The following LRRC7 variants were observed in gnomAD, a reference collection of about 807,000 sequenced individuals.
LRRC7 encodes the protein leucine rich repeat containing 7, also known as leucine-rich repeat-containing protein 7.
In LRRC7, 23 loss-of-function variants were observed where a neutral mutation model predicts 175.7. That is an observed-to-expected ratio of 0.13 (90% CI 0.09 to 0.19). The LOEUF (loss-of-function observed/expected upper bound fraction) is 0.19. LRRC7 is among the 10% of genes least tolerant of loss of function. LRRC7 has a pLI of 1.00. For synonymous variants in LRRC7, 685 were observed against 680.9 expected, an observed-to-expected ratio of 1.01 and a Z score of -0.09; for missense variants, 1,354 against 1,904.7, an observed-to-expected ratio of 0.71 and a Z score of 5.38.
intron 1 of LRRC7, among the ~76,000 whole-genome samples, chr1:69,672,950 T>C (rs1359397732): frequency 6.6e-6 from 1 of 152,208 alleles, no homozygotes; most frequent in Non-Finnish European, 1.5e-5. Context: ...CTGGCTACTC[T>C]TTTCATTTTT....
intron 1 of LRRC7, among the ~76,000 whole-genome samples, chr1:69,599,241 C>A (rs1339809290): frequency 6.6e-6 from 1 of 152,024 alleles, no homozygotes; most frequent in Admixed American, 6.6e-5. Context: ...GGTACATGTT[C>A]TTTTCCTTTT....
chr1:69,957,555 G>A (rs935450375), intron 8 of LRRC7, among the ~76,000 whole-genome samples: 4 of 151,734 alleles, frequency 2.6e-5, no homozygotes, highest in African/African-American at 9.7e-5. Context: ...TTAGTAGAGA[G>A]TGAATGCTCC....
intron 2 of LRRC7, among the ~76,000 whole-genome samples, chr1:69,722,303 T>C (rs1666451179): frequency 1.3e-5 from 2 of 152,050 alleles, no homozygotes; most frequent in African/African-American, 4.8e-5. Flanking sequence ...TCGTACATTG[T>C]ATTGATTTAT....
intron 5 of LRRC7, among the ~76,000 whole-genome samples, chr1:69,828,713 T>C (rs1168958633): frequency 6.6e-6 from 1 of 152,074 alleles, no homozygotes; most frequent in East Asian, 1.9e-4. Context: ...TTTCCAAATG[T>C]TCTCTAACAT....
intron 1 of LRRC7, among the ~76,000 whole-genome samples, chr1:69,603,808 T>C (rs2101004099): frequency 6.6e-6 from 1 of 152,240 alleles, no homozygotes; most frequent in East Asian, 1.9e-4. Flanking sequence ...TTTATATTAT[T>C]TGAAACACCA....
rs138406498 is a variant in LRRC7, at chr1:69,911,437, T to A, written c.648-20070T>A. Among the ~76,000 whole-genome samples, 498 of 152,334 alleles carry A rather than the reference T, an allele frequency of 3.3e-3. 2 individuals are homozygous for A. The highest frequency in any genetic ancestry group is 0.011 in the African/African-American group (448 of 41,576). On this transcript the variant is annotated intron_variant, in intron 7 of 26. Coordinates refer to ENST00000651989, the MANE Select transcript of LRRC7 (RefSeq NM_001370785.2). ...CCATCAACAGTGTTTAAGTGTTCCC[T>A]TTTCTCCACAACCTCACCATCATCT...
chr1:69,623,881 A>G (rs935967665), intron 1 of LRRC7, among the ~76,000 whole-genome samples: 5 of 152,052 alleles, frequency 3.3e-5, no homozygotes, highest in African/African-American at 1.2e-4. Flanking sequence ...TCATTTTTGT[A>G]TAGCTTCTAT....
intron 8 of LRRC7, 120 bp from the exon 9 acceptor site, chr1:69,980,259 C>G: frequency 1.2e-6 from 1 of 856,696 alleles, no homozygotes; most frequent in Non-Finnish European, 1.9e-6. Context: ...TTCTTAGATG[C>G]TTAACACTAG....
Position 69,831,397 on chromosome 1 carries a change from AAC to A in LRRC7, c.501-3379_501-3378del, listed in dbSNP as rs1303889934. On this transcript the variant is annotated intron_variant, in intron 5 of 26. Coordinates refer to ENST00000651989, the MANE Select transcript of LRRC7 (RefSeq NM_001370785.2). ...GCTCTAATGCATTACAACAAAGTAA[AAC>A]ACAGAGAAAATTAATGACCTACCAT... is the stretch of plus-strand genomic sequence containing the variant. Among the ~76,000 whole-genome samples, 5 of 152,070 alleles carry A rather than the reference AAC, an allele frequency of 3.3e-5. No individual in the cohort carries two copies. The East Asian group carries it at 7.7e-4, about 23-fold the overall frequency.
At chr1:69,634,518 G>A (rs1364485809) in intron 1 of LRRC7, among the ~76,000 whole-genome samples, 2 of 152,034 alleles carry the variant, frequency 1.3e-5, no homozygotes, top group Non-Finnish European at 2.9e-5. Flanking sequence ...TCTTGGTTCT[G>A]GAAGAATAAT....
In LRRC7 at chr1:70,140,082, C is replaced by T. The variant is rs759904589; in HGVS notation, c.*18195C>T. 24 of 151,984 alleles carry T rather than the reference C, an allele frequency of 1.6e-4. No individual in the cohort carries two copies. Among genetic ancestry groups the T allele is most frequent in the Non-Finnish European group, 3.4e-4 (23 of 67,980 alleles). 9.4% of individuals were successfully genotyped at this position (151,984 alleles called of 1,614,324 possible). On this transcript the variant is annotated 3_prime_UTR_variant, in exon 27 of 27. Transcript: ENST00000651989. ...TGTTGGAGTAATTGAAAAGATACAT[C>T]AAGCAATAATAAACTAGATGTGCAA...
chr1:69,840,495 C>T (rs765577589), intron 7 of LRRC7, among the ~76,000 whole-genome samples: 3 of 151,958 alleles, frequency 2.0e-5, no homozygotes, highest in African/African-American at 7.2e-5. Context: ...TAGTTATTTT[C>T]TCTTCTTTTC....
At chr1:69,730,215 C>T (rs1002347307) in intron 2 of LRRC7, among the ~76,000 whole-genome samples, 3 of 152,186 alleles carry the variant, frequency 2.0e-5, no homozygotes, top group Non-Finnish European at 4.4e-5. Flanking sequence ...TCCCTGGAGA[C>T]ATTTTCCCCA....
intron 1 of LRRC7, among the ~76,000 whole-genome samples, chr1:69,593,289 G>A (rs543584518): frequency 9.2e-5 from 14 of 152,190 alleles, no homozygotes; most frequent in African/African-American, 3.1e-4. Context: ...GTAAGGTCAT[G>A]AACAACCTAC....
intron 1 of LRRC7, among the ~76,000 whole-genome samples, chr1:69,667,670 C>G (rs1658466086): frequency 6.6e-6 from 1 of 151,944 alleles, no homozygotes; most frequent in Non-Finnish European, 1.5e-5. Context: ...TTTTTCTGTC[C>G]CTTTATTTTC....
intron 26 of LRRC7, among the ~76,000 whole-genome samples, chr1:70,118,832 A>G (rs1666031571): frequency 6.6e-6 from 1 of 152,042 alleles, no homozygotes; most frequent in African/African-American, 2.4e-5. Flanking sequence ...GGTTCACTGG[A>G]TTCAATCTTT....
At chr1:69,939,184 T>C (rs552625280) in intron 8 of LRRC7, among the ~76,000 whole-genome samples, 13 of 151,768 alleles carry the variant, frequency 8.6e-5, no homozygotes, top group African/African-American at 3.1e-4. Context: ...CTATACTGAT[T>C]ATTTAACAAA....
intron 1 of LRRC7, among the ~76,000 whole-genome samples, chr1:69,624,373 A>G (rs773189650): frequency 4.6e-5 from 7 of 152,000 alleles, no homozygotes; most frequent in African/African-American, 7.2e-5. Context: ...ATATATGACA[A>G]TTCATTTTGG....
At chr1:70,107,698 G>A in intron 25 of LRRC7, 54 bp from the exon 26 acceptor site, 2 of 1,331,932 alleles carry the variant, frequency 1.5e-6, no homozygotes, top group Non-Finnish European at 2.2e-6. Context: ...ATTTGTTTAA[G>A]TAGGCCTGGT....
Sources: allele counts gnomAD v4.1 joint callset (sites outside exome capture counted in the v4.1 genomes callset), GRCh38; gene constraint gnomAD v4.1.1; transcripts MANE v1.5; gene names NCBI Gene and HGNC (gene_info 2026-07-23, HGNC 2026-07-21).